The following NF1 variants were observed in gnomAD, a reference collection of about 807,000 sequenced individuals.
NF1 encodes the protein neurofibromin 1, also known as neurofibromin.
Under a neutral mutation model 325.7 loss-of-function variants are expected in NF1, and 122 were observed. That is an observed-to-expected ratio of 0.37 (90% CI 0.32 to 0.44). The LOEUF (loss-of-function observed/expected upper bound fraction) is 0.44. Among genes scored for constraint, NF1 ranks in the 20% least tolerant of loss-of-function variants. NF1 has a pLI of 1.00. For synonymous variants in NF1, 1,091 were observed against 1,186.0 expected (o/e 0.92, Z 1.65); for missense variants, 2,140 against 3,415.4 (o/e 0.63, Z 9.31).
At chr17:31,268,431 G>A (rs1021629246) in intron 36 of NF1, among the ~76,000 whole-genome samples, 1 of 151,764 alleles carries the variant, frequency 6.6e-6, no homozygotes, top group African/African-American at 2.4e-5. Flanking sequence ...GATCAAGACC[G>A]TCCTGGCCAA....
At chr17:31,123,969 G>T (rs985017089) in intron 1 of NF1, among the ~76,000 whole-genome samples, 1 of 151,852 alleles carries the variant, frequency 6.6e-6, no homozygotes, top group Non-Finnish European at 1.5e-5. Flanking sequence ...TTTCTTTTGG[G>T]GGGATATTTT....
chr17:31,283,740 G>A (rs2068170540), intron 36 of NF1, among the ~76,000 whole-genome samples: 1 of 152,090 alleles, frequency 6.6e-6, no homozygotes, highest in South Asian at 2.1e-4. Flanking sequence ...GATCCACCTT[G>A]GCGTCCCAAA....
rs544666794 is a variant in NF1 at position 31,103,146 on chromosome 17, T to G, written c.60+7777T>G. On this transcript the variant is annotated intron_variant, in intron 1 of 57. Transcript: ENST00000358273. ...ATAAGCTGTGGTGCTGGTCTAATAT[T>G]GTTACATTTTATTTTAAATGTTCCT... 2.6e-5 allele frequency among the ~76,000 whole-genome samples: 4 copies of G among 152,176 alleles called. No homozygotes were observed. In the South Asian group the frequency reaches 6.2e-4, roughly 24 times the overall value.
rs150267160 is a variant in NF1, at chr17:31,305,776, A to G, written c.4836-20044A>G. 17 of 714,888 alleles carry G rather than the reference A, an allele frequency of 2.4e-5. No individual in the cohort carries two copies. The Admixed American group carries it at 4.5e-4, about 19-fold the overall frequency. The allele number at this position is 714,888 out of a possible 1,614,324, so 44.3% of individuals were successfully genotyped here. ...TAGTTGATTAGTAGTTATTATTCCT[A>G]ATTTAGACTTGATACACTGTAGGTT... On this transcript the variant is annotated intron_variant, in intron 36 of 57. Transcript: ENST00000358273.
At chr17:31,299,008 T>A (rs2068521308) in intron 36 of NF1, among the ~76,000 whole-genome samples, 1 of 152,114 alleles carries the variant, frequency 6.6e-6, no homozygotes, top group Non-Finnish European at 1.5e-5. Context: ...GGGTTTAGGC[T>A]GTATCAAGTT....
chr17:31,335,374 T>TTTCTAGTGC (rs926619579), intron 40 of NF1, among the ~76,000 whole-genome samples: 3 of 143,498 alleles, frequency 2.1e-5, no homozygotes, highest in African/African-American at 5.3e-5. Context: ...TCTGGTGACA[T>TTTCTAGTGC]TTCTAGTGCT....
chr17:31,134,828 C>T (rs996900491), intron 1 of NF1, among the ~76,000 whole-genome samples: 7 of 152,082 alleles, frequency 4.6e-5, no homozygotes, highest in African/African-American at 1.4e-4. Context: ...CTGAGAGAAT[C>T]AAAAGCCACA....
At chr17:31,194,319 T>G (rs932556551) in intron 8 of NF1, among the ~76,000 whole-genome samples, 7 of 152,000 alleles carry the variant, frequency 4.6e-5, no homozygotes, top group African/African-American at 1.7e-4. Context: ...CTCATTCATA[T>G]GTGGAAGCTA....
At chr17:31,122,050 C>A (rs960231621) in intron 1 of NF1, among the ~76,000 whole-genome samples, 1 of 152,126 alleles carries the variant, frequency 6.6e-6, no homozygotes, top group Non-Finnish European at 1.5e-5. Flanking sequence ...GTTCAGGGAG[C>A]TGTTGAAGAG....
At chr17:31,338,213 A>T in intron 45 of NF1, 74 bp downstream of exon 45, 1 of 1,072,942 alleles carries the variant, frequency 9.3e-7, no homozygotes, top group Non-Finnish European at 1.5e-6. Flanking sequence ...CATTTTTCTA[A>T]AAGACGTTTA....
chr17:31,358,355 A>G (rs1481789791), intron 54 of NF1, 125 bp from the exon 55 acceptor site: 2 of 966,496 alleles, frequency 2.1e-6, no homozygotes, highest in African/African-American at 3.3e-5. Context: ...CCAGAAAGTA[A>G]AAAGCACTCA....
Position 31,121,395 on chromosome 17 carries a change from C to CTTT in NF1, c.60+26047_60+26049dup, listed in dbSNP as rs71142019. On this transcript the variant is annotated intron_variant, in intron 1 of 57. Coordinates refer to ENST00000358273, the MANE Select transcript of NF1 (RefSeq NM_001042492.3). The stretch of plus-strand genomic sequence containing the variant: ...TCCCTTCTATGTGCAAATCACTATT[C>CTTT]TTTTTTTTTTTTTTTTTTTTTTTGA... 4.2e-3 allele frequency among the ~76,000 whole-genome samples: 387 copies of CTTT among 92,476 alleles called. 14 individuals carry two copies. The highest frequency in any genetic ancestry group is 0.014 in the Middle Eastern group (2 of 138). The allele number at this position is 92,476 out of a possible 152,430, so 60.7% of individuals were successfully genotyped here. A position where few individuals can be genotyped will look rare whatever the true frequency, so the allele number is the denominator to read the frequency against.
chr17:31,340,627 C>T lies in NF1; in HGVS notation c.7044C>T (p.Leu2348=), dbSNP rs1350755921. Reference sequence around the variant, plus strand: ...AAAACCTGCATACTTTAGATAGTCTCCGTATATTCAATGACAAGGTAAGCA... The same window carrying T: ...AAAACCTGCATACTTTAGATAGTCTTCGTATATTCAATGACAAGGTAAGCA... ...LEQNLHTLDS[L]RIFNDKSPEE... The change falls in exon 47 of 58, where the codon CTC becomes CTT. Residue 2348 remains leucine (L), a synonymous_variant. Coordinates refer to ENST00000358273, the MANE Select transcript of NF1 (RefSeq NM_001042492.3). The T allele has an allele frequency of 3.7e-6, 6 of 1,613,924 alleles. No individual in the cohort carries two copies. Among genetic ancestry groups the T allele is most frequent in the Non-Finnish European group, 5.1e-6 (6 of 1,180,000 alleles).
Position 31,272,071 on chromosome 17 carries a change from C to T in NF1, c.4835+6732C>T, listed in dbSNP as rs555593145. On this transcript the variant is annotated intron_variant, in intron 36 of 57. Coordinates refer to ENST00000358273, the MANE Select transcript of NF1 (RefSeq NM_001042492.3). ...ATACTTCTTTCATATGGAAGGAAAACATCATATTAAGTTAATATTTAAACG... is the reference window on the plus strand; with the variant it reads ...ATACTTCTTTCATATGGAAGGAAAATATCATATTAAGTTAATATTTAAACG... The T allele has an allele frequency of 2.0e-5, 3 of 152,058 alleles. No homozygotes were observed. The East Asian group carries it at 5.8e-4, about 29-fold the overall frequency. The allele number at this position is 152,058 out of a possible 1,614,324, so 9.4% of individuals were successfully genotyped here. A position where few individuals can be genotyped will look rare whatever the true frequency, so the allele number is the denominator to read the frequency against.
At chr17:31,249,639 T>G (rs968279069) in intron 30 of NF1, among the ~76,000 whole-genome samples, 5 of 152,234 alleles carry the variant, frequency 3.3e-5, no homozygotes, top group Non-Finnish European at 7.3e-5. Context: ...TGCATCATCA[T>G]TCAGACCAAA....
At chr17:31,341,594 AGTGTGTGT>A (rs760580157) in intron 47 of NF1, among the ~76,000 whole-genome samples, 2 of 144,940 alleles carry the variant, frequency 1.4e-5, no homozygotes, top group Admixed American at 6.8e-5. Flanking sequence ...ATATATATAA[AGTGTGTGT>A]GTGTGTGTGT....
chr17:31,175,351 T>A (rs1449726270), intron 5 of NF1, among the ~76,000 whole-genome samples: 2 of 130,902 alleles, frequency 1.5e-5, no homozygotes, highest in Non-Finnish European at 3.3e-5. Flanking sequence ...TTTGCTTTTT[T>A]TTTTTTTTTT....
rs914431309 is a variant in NF1 at position 31,358,713 on chromosome 17, G to A, written c.8113+91G>A. The A allele has an allele frequency of 5.4e-6, 8 of 1,491,632 alleles. No individual in the cohort carries two copies. In the East Asian group the frequency reaches 1.8e-4, roughly 34 times the overall value. The allele number at this position is 1,491,632 out of a possible 1,614,324, so 92.4% of individuals were successfully genotyped here. ...CACTGACTACAGAATTCTTTATAAG[G>A]GATAGACTTGTTCATACTTTTATTT... On this transcript the variant is annotated intron_variant, in intron 55 of 57. Coordinates refer to ENST00000358273, the MANE Select transcript of NF1 (RefSeq NM_001042492.3).
intron 1 of NF1, among the ~76,000 whole-genome samples, chr17:31,111,423 G>A (rs376687257): frequency 4.6e-5 from 7 of 152,054 alleles, no homozygotes; most frequent in African/African-American, 1.7e-4. Flanking sequence ...CAAGCAGGAT[G>A]AACACAAAGA....
Sources: gnomAD v4.1 joint callset for allele counts (sites outside exome capture counted in the v4.1 genomes callset) on GRCh38, gnomAD v4.1.1 for gene constraint, MANE v1.5 for transcripts, NCBI Gene and HGNC (gene_info 2026-07-23, HGNC 2026-07-21) for gene names.